Variants in RTN4 observed in about 807,000 individuals in gnomAD.
RTN4 encodes the protein reticulon-4.
A neutral mutation model predicts 90.4 loss-of-function variants in RTN4; 32 were observed. The ratio of observed to expected loss-of-function variants is 0.35; its 90% CI spans 0.27 to 0.48. The LOEUF (loss-of-function observed/expected upper bound fraction) is 0.48. RTN4 is among the 20% of genes least tolerant of loss of function. RTN4 has a pLI of 0.99. For missense variants in RTN4, 1,706 were observed against 1,430.2 expected (o/e 1.19, Z -3.11); for synonymous variants, 629 against 552.5 (o/e 1.14, Z -1.94).
intron 2 of RTN4, among the ~76,000 whole-genome samples, chr2:55,064,778 T>C (rs1316129934): frequency 6.6e-6 from 1 of 152,226 alleles, no homozygotes; most frequent in Non-Finnish European, 1.5e-5. Context: ...GGTTAATCTT[T>C]AGTTAACAAT....
intron 5 of RTN4, among the ~76,000 whole-genome samples, chr2:54,981,937 G>T (rs903124523): frequency 6.6e-6 from 1 of 151,324 alleles, no homozygotes; most frequent in East Asian, 1.9e-4. Flanking sequence ...TATGATTTCC[G>T]AAAGTATTAC....
intron 3 of RTN4, among the ~76,000 whole-genome samples, chr2:54,995,443 C>T (rs891534929): frequency 6.6e-5 from 10 of 152,062 alleles, no homozygotes; most frequent in Admixed American, 3.3e-4. Context: ...CCTCCTACCA[C>T]CACCACACAG....
chr2:55,062,161 C>T (rs929787175), intron 2 of RTN4, among the ~76,000 whole-genome samples: 3 of 152,124 alleles, frequency 2.0e-5, no homozygotes, highest in Admixed American at 1.3e-4. Flanking sequence ...AACCATCTGC[C>T]TTCTGGCTCC....
chr2:54,979,803 AC>A (rs371518712), intron 5 of RTN4, among the ~76,000 whole-genome samples: 279 of 152,308 alleles, frequency 1.8e-3, no homozygotes, highest in African/African-American at 6.0e-3. Flanking sequence ...TTAAGTGCTA[AC>A]ATGATGAGGC....
intron 1 of RTN4, among the ~76,000 whole-genome samples, chr2:55,028,568 T>C (rs562186593): frequency 2.1e-4 from 32 of 152,316 alleles, no homozygotes; most frequent in Middle Eastern, 6.8e-3. Context: ...CATAGGTAAA[T>C]TGTCTTGTTC....
chr2:55,093,886 A>G (rs1194273269), intron 1 of RTN4, among the ~76,000 whole-genome samples: 1 of 152,218 alleles, frequency 6.6e-6, no homozygotes. Flanking sequence ...GAATTGGGAA[A>G]GGAATTATAA....
chr2:55,008,748 C>T (rs1008237559), intron 3 of RTN4, among the ~76,000 whole-genome samples: 1 of 152,082 alleles, frequency 6.6e-6, no homozygotes, highest in Non-Finnish European at 1.5e-5. Flanking sequence ...TGATTTAAGA[C>T]TTAAGTTATT....
intron 1 of RTN4, among the ~76,000 whole-genome samples, chr2:55,030,341 C>A (rs1682211626): frequency 6.6e-6 from 1 of 152,050 alleles, no homozygotes; most frequent in African/African-American, 2.4e-5. Context: ...AAAGAAAAAT[C>A]TTCATTTTGT....
At chr2:55,014,909 C>T (rs1305849974) in intron 3 of RTN4, among the ~76,000 whole-genome samples, 11 of 152,074 alleles carry the variant, frequency 7.2e-5, no homozygotes, top group Non-Finnish European at 1.6e-4. Context: ...TTTAAGTATC[C>T]AGGTTTGGGG....
Position 55,027,262 on chromosome 2 carries a change from C to T in RTN4, c.837G>A (p.Lys279=), listed in dbSNP as rs377721582. The part of the protein sequence containing the change: ...VSEASKEVSE[K]AKTLLIDRDL... ...CTCTATCTATGAGTAGAGTTTTTGC[C>T]TTCTCTGAGACCTCTTTAGAAGCTT... Residue 279 remains lysine (K), a synonymous_variant, in exon 3 of 9, where the codon AAG becomes AAA. Coordinates refer to ENST00000337526, the MANE Select transcript of RTN4 (RefSeq NM_020532.5). 7 of 1,613,524 alleles carry T rather than the reference C, an allele frequency of 4.3e-6. No homozygotes were observed. The highest frequency in any genetic ancestry group is 5.9e-6 in the Non-Finnish European group (7 of 1,179,806).
intron 1 of RTN4, among the ~76,000 whole-genome samples, chr2:55,049,381 G>C (rs1667964631): frequency 6.6e-6 from 1 of 152,138 alleles, no homozygotes; most frequent in South Asian, 2.1e-4. Context: ...TCCTCACCTC[G>C]AAGCCCAACC....
At position 54,987,672 on chromosome 2, in the gene RTN4, T is replaced by C; in HGVS notation, c.3040A>G (p.Ile1014Val). The C allele has an allele frequency of 6.2e-7, 1 of 1,614,080 alleles. No homozygotes were observed. The highest frequency in any genetic ancestry group is 2.2e-5 in the East Asian group (1 of 44,890). Residue 1014 changes from isoleucine to valine, a missense_variant, in exon 4 of 9, where the codon ATT becomes GTT. Ile to Val is a conservative substitution (Grantham distance 29). Coordinates refer to ENST00000337526, the MANE Select transcript of RTN4 (RefSeq NM_020532.5). ...CCAAACACCACTCCAGTCTTCTTAA[T>C]GTCTCTCCAGTACAGGAGGTCAACA... is the stretch of plus-strand genomic sequence containing the variant. Reference protein sequence around the residue: ...SVVDLLYWRDIKKTGVVFGAS... With the variant: ...SVVDLLYWRDVKKTGVVFGAS...
chr2:55,065,789 A>G (rs1457770236), intron 2 of RTN4, among the ~76,000 whole-genome samples: 1 of 152,184 alleles, frequency 6.6e-6, no homozygotes, highest in Non-Finnish European at 1.5e-5. Context: ...CTATGGTGAT[A>G]AAAATTAGAA....
chr2:55,098,546 A>G (rs886650451), intron 1 of RTN4, among the ~76,000 whole-genome samples: 1 of 152,090 alleles, frequency 6.6e-6, no homozygotes. Flanking sequence ...TCTTATCAGT[A>G]AAAGAGAAGA....
chr2:55,078,168 A>T (rs1302594756), intron 2 of RTN4, among the ~76,000 whole-genome samples: 1 of 152,086 alleles, frequency 6.6e-6, no homozygotes, highest in East Asian at 1.9e-4. Context: ...TTCCCAAAAA[A>T]CCTATTGAAA....
intron 1 of RTN4, among the ~76,000 whole-genome samples, chr2:55,028,587 C>T (rs186861945): frequency 7.6e-4 from 116 of 152,092 alleles, no homozygotes; most frequent in African/African-American, 2.8e-3. Context: ...TCTATTCAGG[C>T]CAAAAACAAA....
chr2:55,127,988 T>C, the RTN4 span, among the ~76,000 whole-genome samples: 86 of 152,182 alleles, frequency 5.7e-4, 1 homozygote, highest in Non-Finnish European at 4.1e-4. Flanking sequence ...TCATGGCTCA[T>C]TGCAGTCTCG....
chr2:55,082,399 A>G (rs1336586781), intron 1 of RTN4, among the ~76,000 whole-genome samples: 1 of 152,212 alleles, frequency 6.6e-6, no homozygotes, highest in Non-Finnish European at 1.5e-5. Context: ...CCAAATCAGG[A>G]GCAGCCACCA....
chr2:55,123,654 T>C, the RTN4 span, among the ~76,000 whole-genome samples: 1 of 151,694 alleles, frequency 6.6e-6, no homozygotes, highest in African/African-American at 2.4e-5. Context: ...TCACTTATTA[T>C]ATTATATTAT....
Sources: allele counts gnomAD v4.1 joint callset (sites outside exome capture counted in the v4.1 genomes callset), GRCh38; gene constraint gnomAD v4.1.1; transcripts MANE v1.5; gene names NCBI Gene and HGNC (gene_info 2026-07-23, HGNC 2026-07-21).